Variants in WNK4 observed in about 807,000 individuals in gnomAD.
WNK4 encodes the protein WNK lysine deficient protein kinase 4.
Under a neutral mutation model 116.2 loss-of-function variants are expected in WNK4, and 94 were observed. The ratio of observed to expected loss-of-function variants is 0.81; its 90% CI spans 0.68 to 0.96. WNK4 has a LOEUF of 0.96. Ranked by LOEUF, WNK4 falls within the 40% of genes least tolerant of loss-of-function variation. The probability of loss-of-function intolerance (pLI) is 0.00; values close to 1 mark genes in which losing one functional copy is unlikely to be tolerated. For missense variants in WNK4, 1,542 were observed against 1,650.6 expected, an observed-to-expected ratio of 0.93 and a Z score of 1.14; for synonymous variants, 655 against 672.7, an observed-to-expected ratio of 0.97 and a Z score of 0.41.
At position 42,780,988 on chromosome 17, in the gene WNK4, G is replaced by GC. The variant is rs1486381125; in HGVS notation, c.293dup (p.Pro99ThrfsTer3). On this transcript the variant is annotated frameshift_variant, in exon 1 of 19. Transcript: ENST00000246914. LOFTEE classifies it high-confidence loss of function. ...TCCGCTGGTCCTGGCCCCGCGAGGA[G>GC]CCCACCGCCTAGCTCCAAAGAACCC... is the stretch of plus-strand genomic sequence containing the variant. 5 of 1,610,150 alleles carry GC rather than the reference G, an allele frequency of 3.1e-6. No homozygotes were observed. Among genetic ancestry groups the GC allele is most frequent in the Non-Finnish European group, 4.2e-6 (5 of 1,179,322 alleles).
At chr17:42,786,184 C>T (rs2054547798) in intron 6 of WNK4, among the ~76,000 whole-genome samples, 1 of 152,144 alleles carries the variant, frequency 6.6e-6, no homozygotes, top group African/African-American at 2.4e-5. Context: ...TGTCCAGGGC[C>T]CCAAGTAAGT....
At position 42,782,883 on chromosome 17, in the gene WNK4, T is replaced by C; in HGVS notation, c.744T>C (p.Val248=). Residue 248 remains valine (V), a synonymous_variant, in exon 2 of 19, where the codon GTT becomes GTC. Coordinates refer to ENST00000246914, the MANE Select transcript of WNK4 (RefSeq NM_032387.5). This position sits in a 1 kb window ranked among gnomAD's most constrained non-coding sequence, Gnocchi z 4.2. ...GGAAGTCGGTGCTGAGGGGCCAGGT[T>C]TGCATCGTGCTGGTCACCGAACTCA... The part of the protein sequence containing the change: ...DSWKSVLRGQ[V]CIVLVTELMT... 2 of 1,614,116 alleles carry C rather than the reference T, an allele frequency of 1.2e-6. No homozygotes were observed. The highest frequency in any genetic ancestry group is 1.7e-6 in the Non-Finnish European group (2 of 1,180,026).
chr17:42,787,774 C>A lies in WNK4; in HGVS notation c.1742-4C>A. The stretch of plus-strand genomic sequence containing the variant: ...TTTTTTTGATCCTCTCCCTCCCCAA[C>A]CAGCGGATTGCGAGACTGATGGCTA... On this transcript the variant is annotated splice_region_variant and splice_polypyrimidine_tract_variant and intron_variant, in intron 7 of 18. Transcript: ENST00000246914. 3 of 1,611,790 alleles carry A rather than the reference C, an allele frequency of 1.9e-6. No individual in the cohort carries two copies. Among genetic ancestry groups the A allele is most frequent in the Non-Finnish European group, 2.5e-6 (3 of 1,180,018 alleles).
In WNK4 at chr17:42,784,758, GAAT is replaced by G. The variant is rs61754351; in HGVS notation, c.1170+187_1170+189del. On this transcript the variant is annotated intron_variant, in intron 4 of 18. Coordinates refer to ENST00000246914, the MANE Select transcript of WNK4 (RefSeq NM_032387.5). This position sits in a 1 kb window ranked among gnomAD's most constrained non-coding sequence, Gnocchi z 4.4. ...CGCCCCCACCAGTACACGCTATTTAGAATAATAATATGTGTGGTGCTCCCAAGA... is the reference window on the plus strand; with the variant it reads ...CGCCCCCACCAGTACACGCTATTTAGAATAATATGTGTGGTGCTCCCAAGA... 0.011 allele frequency among the ~76,000 whole-genome samples: 1,687 copies of G among 152,226 alleles called. 23 individuals carry two copies. The highest frequency in any genetic ancestry group is 0.038 in the African/African-American group (1,591 of 41,514).
chr17:42,796,697 C>T lies in WNK4; in HGVS notation c.*9C>T. On this transcript the variant is annotated 3_prime_UTR_variant, in exon 19 of 19. Transcript: ENST00000246914. ...TCTTTTCCCTCCAGTGAATTCAGAACAGAAGCCATGTATCTCCCCCACACC... is the reference window on the plus strand; with the variant it reads ...TCTTTTCCCTCCAGTGAATTCAGAATAGAAGCCATGTATCTCCCCCACACC... The T allele has an allele frequency of 6.2e-7, 1 of 1,614,182 alleles. No homozygotes were observed.
intron 11 of WNK4, among the ~76,000 whole-genome samples, chr17:42,792,018 C>T (rs759280384): frequency 3.9e-5 from 6 of 152,110 alleles, no homozygotes; most frequent in Non-Finnish European, 7.3e-5. Context: ...TTCTCTCTGC[C>T]TAGACTGCTC....
At chr17:42,785,606 C>A in intron 6 of WNK4, 124 bp downstream of exon 6, 2 of 1,197,030 alleles carry the variant, frequency 1.7e-6, no homozygotes, top group Non-Finnish European at 2.4e-6. Flanking sequence ...TCACCCCTCT[C>A]AAAATCTCCT....
chr17:42,789,784 T>C (rs1372176653), intron 11 of WNK4, among the ~76,000 whole-genome samples: 2 of 152,052 alleles, frequency 1.3e-5, no homozygotes, highest in African/African-American at 2.4e-5. Flanking sequence ...AGTAGGAGGA[T>C]TGCTTGAGCC....
Position 42,780,793 on chromosome 17 carries a change from GGCA to G in WNK4, c.98_100del (p.Gln33del). On this transcript the variant is annotated inframe_deletion, in exon 1 of 19. Coordinates refer to ENST00000246914, the MANE Select transcript of WNK4 (RefSeq NM_032387.5). Reference sequence around the variant, plus strand: ...CCCCCGCCTCCTCTTGGCACCGCGGGGCAGCCCCGCCTCGGGCCCCCTCCTCGC... The same window carrying G: ...CCCCCGCCTCCTCTTGGCACCGCGGGGCCCCGCCTCGGGCCCCCTCCTCGC... The G allele has an allele frequency of 6.2e-7, 1 of 1,603,906 alleles. No individual in the cohort carries two copies. Among genetic ancestry groups the G allele is most frequent in the Non-Finnish European group, 8.5e-7 (1 of 1,178,450 alleles).
rs76310211 is a variant in WNK4 at position 42,784,464 on chromosome 17, A to C, written c.1055A>C (p.Tyr352Ser). 57 of 1,614,024 alleles carry C rather than the reference A, an allele frequency of 3.5e-5. No individual in the cohort carries two copies. The East Asian group carries it at 1.3e-3, about 36-fold the overall frequency. ...FMAPEMYEEK[Y>S]DEAVDVYAFG... Reference sequence around the variant, plus strand: ...GCCCCCGAGATGTACGAGGAAAAGTACGATGAGGCCGTGGACGTGTACGCG... The same window carrying C: ...GCCCCCGAGATGTACGAGGAAAAGTCCGATGAGGCCGTGGACGTGTACGCG... Residue 352 changes from tyrosine (Y) to serine (S), a missense_variant, in exon 4 of 19, where the codon TAC becomes TCC. Transcript: ENST00000246914. The surrounding 1 kb of genome is among the most constrained non-coding windows in gnomAD (Gnocchi z 4.4).
Position 42,784,487 on chromosome 17 carries a change from G to T in WNK4, c.1078G>T (p.Ala360Ser). 1 of 1,613,988 alleles carries T rather than the reference G, an allele frequency of 6.2e-7. No homozygotes were observed. The highest frequency in any genetic ancestry group is 8.5e-7 in the Non-Finnish European group (1 of 1,179,996). ...GTACGATGAGGCCGTGGACGTGTAC[G>T]CGTTCGGCATGTGCATGCTGGAGAT... ...EKYDEAVDVY[A>S]FGMCMLEMAT... Residue 360 changes from alanine (A) to serine (S), a missense_variant, in exon 4 of 19, where the codon GCG becomes TCG. Transcript: ENST00000246914. This position sits in a 1 kb window ranked among gnomAD's most constrained non-coding sequence, Gnocchi z 4.4.
intron 17 of WNK4, 28 bp from the exon 18 acceptor site, chr17:42,796,453 T>C (rs2054674917): frequency 6.2e-7 from 1 of 1,613,990 alleles, no homozygotes; most frequent in Admixed American, 1.7e-5. Flanking sequence ...CCTCACTTAG[T>C]GCTCTCCTTC....
At position 42,793,658 on chromosome 17, in the gene WNK4, C is replaced by T; in HGVS notation, c.2224C>T (p.Gln742Ter). The T allele has an allele frequency of 6.2e-7, 1 of 1,614,042 alleles. No individual in the cohort carries two copies. The highest frequency in any genetic ancestry group is 8.5e-7 in the Non-Finnish European group (1 of 1,179,990). Residue 742 changes from glutamine (Q) to a stop codon, truncating the protein, a stop_gained, in exon 12 of 19, where the codon CAG (glutamine) becomes TAG (stop). Transcript: ENST00000246914. LOFTEE classifies it high-confidence loss of function. ...GFLRRIREII[Q>*]RVETLLKRDT... The stretch of plus-strand genomic sequence containing the variant: ...TCTCAGACGGATTCGGGAGATTATC[C>T]AGCGAGTGGAGACCCTGTTGAAGAG...
intron 6 of WNK4, 68 bp downstream of exon 6, chr17:42,785,550 C>T: frequency 6.5e-7 from 1 of 1,534,808 alleles, no homozygotes; most frequent in Non-Finnish European, 8.8e-7. Flanking sequence ...GACAGTGCAA[C>T]AGGGATGGGG....
intron 11 of WNK4, among the ~76,000 whole-genome samples, chr17:42,790,400 G>GT (rs1555658042): frequency 5.3e-5 from 8 of 151,796 alleles, no homozygotes; most frequent in Non-Finnish European, 2.9e-5. Flanking sequence ...ATGAAAGAAG[G>GT]TTTTTTTTAA....
Position 42,783,898 on chromosome 17 carries a change from G to T in WNK4, c.792-39G>T, listed in dbSNP as rs747200837. The stretch of plus-strand genomic sequence containing the variant: ...TGGGGGGCTCCTTCCCGGAGGACGT[G>T]TCCCCCCACCAGGACTCTGGCTATG... On this transcript the variant is annotated intron_variant, in intron 2 of 18. Transcript: ENST00000246914. The T allele has an allele frequency of 3.2e-5, 50 of 1,578,122 alleles. No homozygotes were observed. The Middle Eastern group carries it at 4.1e-3, about 131-fold the overall frequency.
In WNK4 at chr17:42,781,752, G is replaced by T. The variant is rs61754332; in HGVS notation, c.618+436G>T. ...CACCTATTTGCAGACCAGGAGGCTGGGATGCGGGAAGCCAGGAGCTGGGCA... is the reference window on the plus strand; with the variant it reads ...CACCTATTTGCAGACCAGGAGGCTGTGATGCGGGAAGCCAGGAGCTGGGCA... On this transcript the variant is annotated intron_variant, in intron 1 of 18. Transcript: ENST00000246914. 9.2e-3 allele frequency among the ~76,000 whole-genome samples: 1,406 copies of T among 152,232 alleles called. 15 individuals carry two copies. The highest frequency in any genetic ancestry group is 0.031 in the African/African-American group (1,269 of 41,534).
At position 42,780,651 on chromosome 17, in the gene WNK4, C is replaced by T. The variant is rs769877352; in HGVS notation, c.-48C>T. The stretch of plus-strand genomic sequence containing the variant: ...AGCGAGTCCGTCTGTCAGGCCGCCT[C>T]CTCTCCGGCCGTCTGATTTTCTACC... On this transcript the variant is annotated 5_prime_UTR_variant, in exon 1 of 19. Transcript: ENST00000246914. 51 of 1,597,714 alleles carry T rather than the reference C, an allele frequency of 3.2e-5. No individual in the cohort carries two copies. Among genetic ancestry groups the T allele is most frequent in the Non-Finnish European group, 4.2e-5 (49 of 1,178,612 alleles).
At chr17:42,789,028 G>A (rs1379260535) in intron 11 of WNK4, among the ~76,000 whole-genome samples, 2 of 152,122 alleles carry the variant, frequency 1.3e-5, no homozygotes, top group South Asian at 2.1e-4. Context: ...CACATTGACC[G>A]GGTACACACA....
Sources: gnomAD v4.1 joint callset for allele counts (sites outside exome capture counted in the v4.1 genomes callset) on GRCh38, gnomAD v4.1.1 for gene constraint, Gnocchi (gnomAD v3.1) non-coding constraint, MANE v1.5 for transcripts, NCBI Gene and HGNC (gene_info 2026-07-23, HGNC 2026-07-21) for gene names.